RAB3IL1: variants seen among roughly 807,000 people sequenced by gnomAD.
RAB3IL1 encodes the protein guanine nucleotide exchange factor for Rab-3A.
In RAB3IL1, 37 loss-of-function variants were observed where a neutral mutation model predicts 49.2. That is an observed-to-expected ratio of 0.75 (90% CI 0.58 to 0.99). The LOEUF is 0.99. RAB3IL1 is among the 50% of genes least tolerant of loss of function. The probability of loss-of-function intolerance (pLI) is 0.00; values close to 1 mark genes in which losing one functional copy is unlikely to be tolerated. For synonymous variants in RAB3IL1, 193 were observed against 213.9 expected (o/e 0.90, Z 0.85); for missense variants, 484 against 513.0 (o/e 0.94, Z 0.55).
Position 61,904,560 on chromosome 11 carries a change from G to A in RAB3IL1, c.885C>T (p.Asp295=), listed in dbSNP as rs376747153. ...TLPTVKVAEV[D]CSSTNTCALS... is the part of the protein sequence containing the mutation. ...CCTCAGCTTACTTGGTGCTGCTACA[G>A]TCAACCTCGGCCACCTTCACTGTGG... Residue 295 remains aspartate, a synonymous_variant, in exon 7 of 10, where the codon GAC becomes GAT. Coordinates refer to ENST00000394836, the MANE Select transcript of RAB3IL1 (RefSeq NM_013401.4). The A allele has an allele frequency of 6.2e-7, 1 of 1,611,246 alleles. No individual in the cohort carries two copies. The highest frequency in any genetic ancestry group is 8.5e-7 in the Non-Finnish European group (1 of 1,178,894).
chr11:61,927,111 T>C, the RAB3IL1 span, among the ~76,000 whole-genome samples: 1 of 152,210 alleles, frequency 6.6e-6, no homozygotes, highest in Non-Finnish European at 1.5e-5. Context: ...CCCAAAGTGC[T>C]AGGACTATAG....
chr11:61,906,382 G>A lies in RAB3IL1; in HGVS notation c.657+84C>T. The A allele has an allele frequency of 4.8e-6, 6 of 1,256,452 alleles. No individual in the cohort carries two copies. In the South Asian group the frequency reaches 6.4e-5, roughly 13 times the overall value. 77.8% of individuals were successfully genotyped at this position (1,256,452 alleles called of 1,614,324 possible). ...GCTCCAGGTCACACAGCATGGGGCA[G>A]GCTGGTCCTCACTGGGCTCGGACCC... On this transcript the variant is annotated intron_variant, in intron 5 of 9. Transcript: ENST00000394836. This position sits in a 1 kb window ranked among gnomAD's most constrained non-coding sequence, Gnocchi z 4.6.
chr11:61,931,075 T>C, the RAB3IL1 span, among the ~76,000 whole-genome samples: 1 of 152,172 alleles, frequency 6.6e-6, no homozygotes, highest in African/African-American at 2.4e-5. Flanking sequence ...CAGAGACCAC[T>C]GGCCTTGGTA....
In RAB3IL1 at chr11:61,898,101, G is replaced by A. The variant is rs1325921258; in HGVS notation, c.*177C>T. 11 of 639,838 alleles carry A rather than the reference G, an allele frequency of 1.7e-5. No homozygotes were observed. The highest frequency in any genetic ancestry group is 2.6e-5 in the Admixed American group (1 of 38,826). 39.6% of individuals were successfully genotyped at this position (639,838 alleles called of 1,614,324 possible). On this transcript the variant is annotated 3_prime_UTR_variant, in exon 10 of 10. Transcript: ENST00000394836. The surrounding 1 kb of genome is among the most constrained non-coding windows in gnomAD (Gnocchi z 5.1). ...GGGTCTTGCCGTGAAGTCCAGGCCC[G>A]TCTGTCCCAGGATGGACGTGTGGTG...
chr11:61,911,769 A>G (rs533389750), intron 1 of RAB3IL1, among the ~76,000 whole-genome samples: 1 of 152,280 alleles, frequency 6.6e-6, no homozygotes, highest in African/African-American at 2.4e-5. Flanking sequence ...AACATCCCCC[A>G]TCCCAAAGCC....
the RAB3IL1 span, among the ~76,000 whole-genome samples, chr11:61,926,785 C>T: frequency 6.6e-6 from 1 of 152,092 alleles, no homozygotes; most frequent in African/African-American, 2.4e-5. Context: ...AAACTCCTGA[C>T]CCTGTGATCT....
intron 1 of RAB3IL1, among the ~76,000 whole-genome samples, chr11:61,912,130 C>G (rs1353468025): frequency 1.3e-5 from 2 of 152,196 alleles, no homozygotes; most frequent in Non-Finnish European, 2.9e-5. Flanking sequence ...GGGGAGGGGA[C>G]AGCAAGGGTG....
At chr11:61,933,491 C>T in the RAB3IL1 span, among the ~76,000 whole-genome samples, 242 of 152,074 alleles carry the variant, frequency 1.6e-3, 3 homozygotes, top group Non-Finnish European at 6.0e-4. Flanking sequence ...CCTGGCCTCC[C>T]GAATGGTGAG....
the RAB3IL1 span, among the ~76,000 whole-genome samples, chr11:61,931,105 C>G: frequency 6.6e-6 from 1 of 152,170 alleles, no homozygotes; most frequent in East Asian, 1.9e-4. Flanking sequence ...GTATAGAGCA[C>G]TAGATCAAAG....
At chr11:61,917,637 C>G (rs1170266093), upstream of RAB3IL1, 17 of 943,122 alleles carry the variant, frequency 1.8e-5, no homozygotes, top group South Asian at 5.0e-5. Flanking sequence ...CGCTGGGATC[C>G]GGCGCGCGCT....
the RAB3IL1 span, among the ~76,000 whole-genome samples, chr11:61,926,753 C>G: frequency 2.6e-5 from 4 of 152,092 alleles, no homozygotes; most frequent in African/African-American, 9.6e-5. Flanking sequence ...GGGGGTTTCA[C>G]CATGTTGGCC....
chr11:61,899,243 C>T (rs1486195851), intron 9 of RAB3IL1, 71 bp downstream of exon 9: 2 of 1,504,546 alleles, frequency 1.3e-6, no homozygotes, highest in Non-Finnish European at 1.8e-6. Flanking sequence ...GCAGGTGGGC[C>T]CAGAGGGCAC....
At chr11:61,907,843 C>T (rs1939275712) in intron 2 of RAB3IL1, among the ~76,000 whole-genome samples, 183 bp from the exon 3 acceptor site, 1 of 152,184 alleles carries the variant, frequency 6.6e-6, no homozygotes, top group South Asian at 2.1e-4. Context: ...AAGCTGAAGC[C>T]CTGCCTGCCA....
chr11:61,934,446 G>GTGTGTGTGTGTATGTATATATA, the RAB3IL1 span, among the ~76,000 whole-genome samples: 3 of 24,408 alleles, frequency 1.2e-4, no homozygotes, highest in African/African-American at 2.4e-4. Context: ...GTGTGTGTGT[G>GTGTGTGTGTGTATGTATATATA]TATGTATATA....
At chr11:61,909,109 A>C (rs1210788066) in intron 1 of RAB3IL1, among the ~76,000 whole-genome samples, 1 of 152,234 alleles carries the variant, frequency 6.6e-6, no homozygotes, top group East Asian at 1.9e-4. Context: ...TTTTGTGCCA[A>C]GACAGCACCT....
the RAB3IL1 span, among the ~76,000 whole-genome samples, chr11:61,928,613 C>A: frequency 6.6e-6 from 1 of 150,508 alleles, no homozygotes; most frequent in African/African-American, 2.4e-5. Flanking sequence ...AGCTAAGACC[C>A]TCCAAATACA....
chr11:61,920,889 C>G (rs1050006566), upstream of RAB3IL1, among the ~76,000 whole-genome samples: 3 of 152,182 alleles, frequency 2.0e-5, no homozygotes, highest in Non-Finnish European at 4.4e-5. Flanking sequence ...GGCCATTGCA[C>G]TCCAGCCTGG....
intron 1 of RAB3IL1, among the ~76,000 whole-genome samples, chr11:61,916,105 G>A (rs1025786233): frequency 6.6e-6 from 1 of 151,796 alleles, no homozygotes; most frequent in Non-Finnish European, 1.5e-5. Context: ...TAGCACTTTG[G>A]GAGGCTGAGG....
intron 1 of RAB3IL1, among the ~76,000 whole-genome samples, chr11:61,915,910 C>T (rs1021596060): frequency 6.0e-5 from 9 of 151,196 alleles, no homozygotes; most frequent in African/African-American, 1.9e-4. Context: ...TGGTGGCGGG[C>T]GCCTGTAGTC....
Sources: allele counts gnomAD v4.1 joint callset (sites outside exome capture counted in the v4.1 genomes callset), GRCh38; gene constraint gnomAD v4.1.1; non-coding constraint Gnocchi (gnomAD v3.1); transcripts MANE v1.5; gene names NCBI Gene and HGNC (gene_info 2026-07-23, HGNC 2026-07-21).